Variants in TRIOBP observed in about 807,000 individuals in gnomAD.
TRIOBP encodes the protein TRIO and F-actin binding protein.
TRIOBP carries 169 observed loss-of-function variants against 238.8 expected under a neutral mutation model. That is an observed-to-expected ratio of 0.71 (90% CI 0.62 to 0.80). TRIOBP has a LOEUF of 0.80. Among genes scored for constraint, TRIOBP ranks in the 30% least tolerant of loss-of-function variants. The pLI, the probability that TRIOBP is intolerant of heterozygous loss-of-function variation, is 0.00. For synonymous variants in TRIOBP, 1,150 were observed against 1,274.4 expected (o/e 0.90, Z 2.08); for missense variants, 2,838 against 3,122.6 (o/e 0.91, Z 2.17).
Position 37,713,228 on chromosome 22 carries a change from A to G in TRIOBP, c.273A>G (p.Ala91=), listed in dbSNP as rs876657592. Residue 91 remains alanine (A), a synonymous_variant, in exon 5 of 24, where the codon GCA becomes GCG. Coordinates refer to ENST00000644935, the MANE Select transcript of TRIOBP (RefSeq NM_001039141.3). ...PGPKRGPSPS[A]GLPEEGPTAA... ...CTCCCAGGGGCCCATCCCCCTCAGC[A>G]GGGCTCCCAGAAGAGGGTCCCACAG... The G allele has an allele frequency of 1.2e-6, 2 of 1,613,468 alleles. No individual in the cohort carries two copies. The highest frequency in any genetic ancestry group is 4.5e-5 in the East Asian group (2 of 44,866).
intron 11 of TRIOBP, chr22:37,750,973 G>A: frequency 2.7e-6 from 1 of 371,036 alleles, no homozygotes; most frequent in Non-Finnish European, 5.5e-6. Flanking sequence ...GGCGCCAGGA[G>A]CGGAGACTGC....
At chr22:37,699,603 G>C (rs894535418) in intron 2 of TRIOBP, among the ~76,000 whole-genome samples, 5 of 151,976 alleles carry the variant, frequency 3.3e-5, no homozygotes, top group Non-Finnish European at 5.9e-5. Context: ...GTACAGTGGT[G>C]CAATCTTGGC....
chr22:37,765,729 G>A lies in TRIOBP; in HGVS notation c.6384G>A (p.Glu2128=), dbSNP rs1185170515. Residue 2128 remains glutamate, a synonymous_variant, in exon 18 of 24, where the codon GAG becomes GAA. Coordinates refer to ENST00000644935, the MANE Select transcript of TRIOBP (RefSeq NM_001039141.3). ...CCTCGCACCAGCAGGTGATGGAGGA[G>A]CTGCAGCGGCACCACGAGCGGGAGC... ...MESSHQQVME[E]LQRHHERELQ... 18 of 1,563,640 alleles carry A rather than the reference G, an allele frequency of 1.2e-5. No individual in the cohort carries two copies. Among genetic ancestry groups the A allele is most frequent in the Non-Finnish European group, 1.6e-5 (18 of 1,155,256 alleles).
At chr22:37,702,440 G>T (rs1329016457) in intron 3 of TRIOBP, among the ~76,000 whole-genome samples, 3 of 151,958 alleles carry the variant, frequency 2.0e-5, no homozygotes, top group Non-Finnish European at 2.9e-5. Flanking sequence ...CTGACCTCAG[G>T]TGATCCACCC....
At chr22:37,757,569 G>T (rs752795916) in intron 15 of TRIOBP, 44 bp from the exon 16 acceptor site, 4 of 1,547,824 alleles carry the variant, frequency 2.6e-6, no homozygotes, top group Non-Finnish European at 2.6e-6. Flanking sequence ...TTGTGGGACT[G>T]CAGGGGTGAG....
At position 37,735,049 on chromosome 22, in the gene TRIOBP, G is replaced by A. The variant is rs765939534; in HGVS notation, c.4713G>A (p.Glu1571=). The change falls in exon 9 of 24, where the codon GAG becomes GAA. Residue 1571 remains glutamate (E), a synonymous_variant. Transcript: ENST00000644935. ...DLLGLLRAPG[E]GVWARVPSLD... Reference sequence around the variant, plus strand: ...TTGGCCTTCTCCGGGCACCAGGAGAGGGGGTCTGGGCCCGTGTCCCCAGCC... The same window carrying A: ...TTGGCCTTCTCCGGGCACCAGGAGAAGGGGTCTGGGCCCGTGTCCCCAGCC... 3 of 1,608,246 alleles carry A rather than the reference G, an allele frequency of 1.9e-6. No individual in the cohort carries two copies. The highest frequency in any genetic ancestry group is 2.2e-5 in the East Asian group (1 of 44,746).
intron 22 of TRIOBP, among the ~76,000 whole-genome samples, chr22:37,772,244 C>T (rs1343414750): frequency 2.6e-5 from 4 of 152,144 alleles, no homozygotes; most frequent in African/African-American, 7.2e-5. Context: ...TGTAAGTGCA[C>T]GTGAGCCAGA....
At position 37,758,043 on chromosome 22, in the gene TRIOBP, G is replaced by A. The variant is rs1306592339; in HGVS notation, c.6118G>A (p.Glu2040Lys). ...WQELEKLPLRENKRVPLTALL... is the reference protein window; with the variant it reads ...WQELEKLPLRKNKRVPLTALL... ...GGAGCTGGAGAAGCTGCCCCTGCGGGAGAATAAGCGGGTGCCCCTCACTGC... is the reference window on the plus strand; with the variant it reads ...GGAGCTGGAGAAGCTGCCCCTGCGGAAGAATAAGCGGGTGCCCCTCACTGC... Residue 2040 changes from glutamate (E) to lysine (K), a missense_variant, in exon 16 of 24, where the codon GAG becomes AAG. This residue lies in a region of TRIOBP where 2,096 missense variants were observed against 2,137.4 expected (regional missense o/e 0.98). Coordinates refer to ENST00000644935, the MANE Select transcript of TRIOBP (RefSeq NM_001039141.3). 47 of 1,611,888 alleles carry A rather than the reference G, an allele frequency of 2.9e-5. No individual in the cohort carries two copies. The highest frequency in any genetic ancestry group is 3.9e-5 in the Non-Finnish European group (46 of 1,179,752).
intron 7 of TRIOBP, among the ~76,000 whole-genome samples, chr22:37,729,330 C>T (rs1924319322): frequency 6.6e-6 from 1 of 152,106 alleles, no homozygotes; most frequent in African/African-American, 2.4e-5. Context: ...ATTCTCTCAC[C>T]TCAGCCTCCT....
chr22:37,702,132 A>G (rs983223868), intron 3 of TRIOBP, among the ~76,000 whole-genome samples: 7 of 148,018 alleles, frequency 4.7e-5, no homozygotes, highest in Non-Finnish European at 1.1e-4. Context: ...CAAAAAAGAG[A>G]AGAAAGGTAG....
intron 18 of TRIOBP, among the ~76,000 whole-genome samples, chr22:37,767,675 A>G (rs536604920): frequency 9.8e-5 from 15 of 152,318 alleles, no homozygotes; most frequent in African/African-American, 3.4e-4. Context: ...TGGTCAAAGC[A>G]GATAGGCCTT....
intron 11 of TRIOBP, among the ~76,000 whole-genome samples, chr22:37,743,801 ATGTG>A (rs71195050): frequency 0.086 from 9,759 of 114,042 alleles, 448 homozygotes; most frequent in Non-Finnish European, 0.11. Flanking sequence ...GAGAGAGAGA[ATGTG>A]TGTGTGTGTG....
At chr22:37,699,871 T>TTC (rs1269527223) in intron 2 of TRIOBP, among the ~76,000 whole-genome samples, 2 of 150,332 alleles carry the variant, frequency 1.3e-5, no homozygotes, top group Non-Finnish European at 3.0e-5. Flanking sequence ...CATTTTCATT[T>TTC]ATTTATTTAT....
At chr22:37,746,044 C>CCCCGTCGT (rs1925221768) in intron 11 of TRIOBP, among the ~76,000 whole-genome samples, 1 of 134,548 alleles carries the variant, frequency 7.4e-6, no homozygotes, top group Non-Finnish European at 1.6e-5. Flanking sequence ...CATCCGCCCA[C>CCCCGTCGT]CCCGCCGTCC....
At position 37,725,905 on chromosome 22, in the gene TRIOBP, C is replaced by T. The variant is rs118204031; in HGVS notation, c.3349C>T (p.Arg1117Ter). The T allele has an allele frequency of 1.2e-6, 2 of 1,613,410 alleles. No homozygotes were observed. Among genetic ancestry groups the T allele is most frequent in the Non-Finnish European group, 1.7e-6 (2 of 1,179,860 alleles). Reference protein sequence around the residue: ...QLPAPVCIGYRDAPRASSPPR... With the variant: ...QLPAPVCIGY ...CCCTGCACCTGTGTGTATTGGGTAC[C>T]GAGATGCACCCCGGGCCTCCTCCCC... Residue 1117 changes from arginine (R) to a stop codon, truncating the protein, a stop_gained, in exon 7 of 24, where the codon CGA becomes TGA. Coordinates refer to ENST00000644935, the MANE Select transcript of TRIOBP (RefSeq NM_001039141.3). LOFTEE classifies it high-confidence loss of function.
rs748421941 is a variant in TRIOBP at position 37,757,944 on chromosome 22, C to T, written c.6019C>T (p.Arg2007Cys). The change falls in exon 16 of 24, where the codon CGC becomes TGC. Residue 2007 changes from arginine to cysteine, a missense_variant. Coordinates refer to ENST00000644935, the MANE Select transcript of TRIOBP (RefSeq NM_001039141.3). The part of the protein sequence containing the change: ...TPEVPAGEGP[R>C]RGLGAPLTED... ...AGAGGTGCCTGCTGGTGAGGGGCCG[C>T]GCCGGGGCCTGGGTGCCCCCCTGAC... 23 of 1,559,702 alleles carry T rather than the reference C, an allele frequency of 1.5e-5. 1 individual carries two copies. In the Middle Eastern group the frequency reaches 2.2e-3, roughly 151 times the overall value.
At position 37,725,036 on chromosome 22, in the gene TRIOBP, C is replaced by T. The variant is rs374415629; in HGVS notation, c.2480C>T (p.Ser827Phe). 6 of 1,614,112 alleles carry T rather than the reference C, an allele frequency of 3.7e-6. No individual in the cohort carries two copies. In the East Asian group the frequency reaches 1.3e-4, roughly 36 times the overall value. ...ATTCAACAGAACATCCCCAGATCAT[C>T]TTCTACCCAACAAGACAACCCTAAA... The part of the protein sequence containing the change: ...TCIQQNIPRS[S>F]STQQDNPKTS... The change falls in exon 7 of 24, where the codon TCT (serine) becomes TTT (phenylalanine). Residue 827 changes from serine (S) to phenylalanine (F), a missense_variant. Physicochemically the swap from Ser to Phe is radical, Grantham distance 155. Transcript: ENST00000644935.
intron 12 of TRIOBP, among the ~76,000 whole-genome samples, chr22:37,752,612 C>T (rs1925678446): frequency 6.6e-6 from 1 of 152,178 alleles, no homozygotes; most frequent in South Asian, 2.1e-4. Context: ...CATTGTGTTT[C>T]CGGCCCACAT....
chr22:37,769,025 C>T lies in TRIOBP; in HGVS notation c.6576-3C>T. 1.2e-6 allele frequency: 2 copies of T among 1,613,324 alleles called. No homozygotes were observed. Among genetic ancestry groups the T allele is most frequent in the South Asian group, 1.1e-5 (1 of 91,050 alleles). On this transcript the variant is annotated splice_region_variant and splice_polypyrimidine_tract_variant and intron_variant, in intron 19 of 23. Transcript: ENST00000644935. Reference sequence around the variant, plus strand: ...GCTCTCCTCTGCTCCTCCTCTGGGGCAGGTCAGATGTGGAGGCACTGAAGC... The same window carrying T: ...GCTCTCCTCTGCTCCTCCTCTGGGGTAGGTCAGATGTGGAGGCACTGAAGC...
Sources: gnomAD v4.1 joint callset for allele counts (sites outside exome capture counted in the v4.1 genomes callset) on GRCh38, gnomAD v4.1.1 for gene constraint, gnomAD v4.1.1 regional missense constraint, MANE v1.5 for transcripts, NCBI Gene and HGNC (gene_info 2026-07-23, HGNC 2026-07-21) for gene names.